Variants in CAMSAP2 observed in about 807,000 individuals in gnomAD.
CAMSAP2 encodes the protein calmodulin regulated spectrin associated protein family member 2, also known as calmodulin-regulated spectrin-associated protein 2.
CAMSAP2 carries 26 observed loss-of-function variants against 146.1 expected under a neutral mutation model. The ratio of observed to expected loss-of-function variants is 0.18; its 90% CI spans 0.13 to 0.25. The LOEUF (loss-of-function observed/expected upper bound fraction) is 0.25, where lower values mean the gene tolerates loss of function less well. Ranked by LOEUF, CAMSAP2 falls within the 10% of genes least tolerant of loss-of-function variation. The pLI is 1.00. For missense variants in CAMSAP2, 1,381 were observed against 1,759.3 expected (o/e 0.78, Z 3.85); for synonymous variants, 499 against 596.6 (o/e 0.84, Z 2.38).
Position 200,761,005 on chromosome 1 carries a change from T to C in CAMSAP2, c.306T>C (p.Ala102=), listed in dbSNP as rs768554385. Residue 102 remains alanine (A), a synonymous_variant, in exon 2 of 17, where the codon GCT becomes GCC. Coordinates refer to ENST00000358823, the MANE Select transcript of CAMSAP2 (RefSeq NM_203459.4). The part of the protein sequence containing the change: ...DAAKPLLGHD[A]VIQALAQKGL... The stretch of plus-strand genomic sequence containing the variant: ...CAAAACCCCTTTTGGGCCATGATGC[T>C]GTAATCCAGGCTTTAGCACAGAAAG... 1.9e-6 allele frequency: 3 copies of C among 1,614,170 alleles called. No individual in the cohort carries two copies. Among genetic ancestry groups the C allele is most frequent in the South Asian group, 2.2e-5 (2 of 91,086 alleles).
Position 200,857,471 on chromosome 1 carries a change from T to G in CAMSAP2, c.4131+47T>G. The G allele has an allele frequency of 6.2e-6, 8 of 1,288,280 alleles. No individual in the cohort carries two copies. Among genetic ancestry groups the G allele is most frequent in the Non-Finnish European group, 9.0e-6 (8 of 885,124 alleles). The allele number at this position is 1,288,280 out of a possible 1,614,324, so 79.8% of individuals were successfully genotyped here. On this transcript the variant is annotated intron_variant, in intron 16 of 16. Transcript: ENST00000358823. This position sits in a 1 kb window ranked among gnomAD's most constrained non-coding sequence, Gnocchi z 4.7. The stretch of plus-strand genomic sequence containing the variant: ...TTAAATTTGGCAAACTGTAGAAGTC[T>G]TTTATCCATTCAAGAGAATGTACTC...
chr1:200,841,149 G>A (rs904223700), intron 6 of CAMSAP2, among the ~76,000 whole-genome samples: 8 of 152,018 alleles, frequency 5.3e-5, no homozygotes, highest in African/African-American at 1.9e-4. Flanking sequence ...ATAATGTTTT[G>A]TACATTTCAA....
At chr1:200,793,270 T>C (rs1426797418) in intron 2 of CAMSAP2, among the ~76,000 whole-genome samples, 3 of 152,208 alleles carry the variant, frequency 2.0e-5, no homozygotes, top group African/African-American at 7.2e-5. Context: ...CAATAGTGGC[T>C]GTGAAGTATC....
At chr1:200,755,059 G>A (rs1012146951) in intron 1 of CAMSAP2, among the ~76,000 whole-genome samples, 1 of 152,100 alleles carries the variant, frequency 6.6e-6, no homozygotes, top group Non-Finnish European at 1.5e-5. Context: ...TCCATTATTT[G>A]TTAGCATTTC....
Position 200,832,359 on chromosome 1 carries a change from A to G in CAMSAP2, c.787+18A>G. 1 of 1,605,466 alleles carries G rather than the reference A, an allele frequency of 6.2e-7. No individual in the cohort carries two copies. The highest frequency in any genetic ancestry group is 8.5e-7 in the Non-Finnish European group (1 of 1,176,508). The stretch of plus-strand genomic sequence containing the variant: ...ATTAGAGGGTAAGTGTTCCATTGTA[A>G]TACTTCTGAACTGTAGACAGATAGT... On this transcript the variant is annotated intron_variant, in intron 5 of 16. Transcript: ENST00000358823. This position sits in a 1 kb window ranked among gnomAD's most constrained non-coding sequence, Gnocchi z 4.2.
intron 2 of CAMSAP2, among the ~76,000 whole-genome samples, chr1:200,794,579 T>C (rs1665833888): frequency 6.6e-6 from 1 of 152,344 alleles, no homozygotes; most frequent in African/African-American, 2.4e-5. Flanking sequence ...CTCCATAGGA[T>C]TCTTCCATAT....
At chr1:200,834,641 C>T (rs1009803127) in intron 6 of CAMSAP2, among the ~76,000 whole-genome samples, 31 of 151,940 alleles carry the variant, frequency 2.0e-4, no homozygotes, top group African/African-American at 4.1e-4. Flanking sequence ...AGGCCTGGTG[C>T]GGTGGCTCAT....
At chr1:200,747,879 T>C (rs926719135) in intron 1 of CAMSAP2, among the ~76,000 whole-genome samples, 3 of 148,650 alleles carry the variant, frequency 2.0e-5, no homozygotes, top group African/African-American at 7.5e-5. Context: ...CCCAGCTACT[T>C]GGGAGGCTGA....
chr1:200,775,778 C>A (rs796139179), intron 2 of CAMSAP2, among the ~76,000 whole-genome samples: 3 of 152,184 alleles, frequency 2.0e-5, no homozygotes, highest in African/African-American at 4.8e-5. Context: ...TGATCCACCC[C>A]CCTCGGCCTC....
Position 200,848,370 on chromosome 1 carries a change from G to A in CAMSAP2, c.1601G>A (p.Gly534Asp). 6.2e-7 allele frequency: 1 copy of A among 1,613,888 alleles called. No individual in the cohort carries two copies. The highest frequency in any genetic ancestry group is 2.2e-5 in the East Asian group (1 of 44,858). Residue 534 changes from glycine (G) to aspartate (D), a missense_variant, in exon 11 of 17, where the codon GGC becomes GAC. Physicochemically the swap from Gly to Asp is moderately conservative, Grantham distance 94. Coordinates refer to ENST00000358823, the MANE Select transcript of CAMSAP2 (RefSeq NM_203459.4). ...AATAGAATACTTCTTGACGAGTTTG[G>A]CAATCAGATCGAGACACCAAGCATT... ...LQNRILLDEFGNQIETPSIEE... is the reference protein window; with the variant it reads ...LQNRILLDEFDNQIETPSIEE...
At chr1:200,751,439 G>A (rs1664503534) in intron 1 of CAMSAP2, among the ~76,000 whole-genome samples, 1 of 144,426 alleles carries the variant, frequency 6.9e-6, no homozygotes, top group South Asian at 2.2e-4. Context: ...GGGAGGCTGA[G>A]ACAGGAGAAG....
intron 2 of CAMSAP2, among the ~76,000 whole-genome samples, chr1:200,765,099 A>G (rs367563309): frequency 7.2e-5 from 11 of 152,120 alleles, no homozygotes; most frequent in African/African-American, 2.7e-4. Flanking sequence ...GTGAGATTCC[A>G]TCTCAAAAAA....
chr1:200,801,660 T>G (rs1023530467), intron 2 of CAMSAP2, among the ~76,000 whole-genome samples: 1 of 152,200 alleles, frequency 6.6e-6, no homozygotes, highest in African/African-American at 2.4e-5. Context: ...AATCTTGCCT[T>G]CATGCTTTAT....
At chr1:200,750,246 T>G (rs1664460294) in intron 1 of CAMSAP2, among the ~76,000 whole-genome samples, 1 of 152,084 alleles carries the variant, frequency 6.6e-6, no homozygotes, top group South Asian at 2.1e-4. Flanking sequence ...GGGGGAAGAC[T>G]TTAGCCTGGA....
At chr1:200,852,766 G>T (rs1014962931) in intron 12 of CAMSAP2, 89 bp downstream of exon 12, 1 of 1,328,012 alleles carries the variant, frequency 7.5e-7, no homozygotes, top group Non-Finnish European at 1.0e-6. Context: ...TCAAAGAGGT[G>T]GTCTCTCATT....
At chr1:200,855,723 A>G (rs1667733391) in intron 14 of CAMSAP2, among the ~76,000 whole-genome samples, 1 of 151,836 alleles carries the variant, frequency 6.6e-6, no homozygotes. Flanking sequence ...CAGCCTCCTG[A>G]GTAGCTGGGA....
At chr1:200,740,659 C>G (rs961265765) in intron 1 of CAMSAP2, among the ~76,000 whole-genome samples, 13 of 152,156 alleles carry the variant, frequency 8.5e-5, no homozygotes, top group African/African-American at 3.1e-4. Context: ...AAACTCCCTA[C>G]TTTGGGAAGT....
At position 200,843,484 on chromosome 1, in the gene CAMSAP2, A is replaced by T. The variant is rs151248296; in HGVS notation, c.1022-1298A>T. Among the ~76,000 whole-genome samples the T allele has an allele frequency of 6.0e-4, 91 of 152,356 alleles. No homozygotes were observed. In the East Asian group the frequency reaches 0.017, roughly 28 times the overall value. On this transcript the variant is annotated intron_variant, in intron 7 of 16. Transcript: ENST00000358823. ...AAAATTGAGATGCTCCCCTAAGTCC[A>T]TTGAATGAAGTCAGATATTCTTAGT...
At chr1:200,834,013 T>G (rs1017046825) in intron 6 of CAMSAP2, among the ~76,000 whole-genome samples, 8 of 151,914 alleles carry the variant, frequency 5.3e-5, no homozygotes, top group African/African-American at 1.9e-4. Flanking sequence ...ATGGGTAGTA[T>G]TATTTTCTTA....
Sources: gnomAD v4.1 joint callset for allele counts (sites outside exome capture counted in the v4.1 genomes callset) on GRCh38, gnomAD v4.1.1 for gene constraint, Gnocchi (gnomAD v3.1) non-coding constraint, MANE v1.5 for transcripts, NCBI Gene and HGNC (gene_info 2026-07-23, HGNC 2026-07-21) for gene names.